Variants in RUNX2 observed in about 807,000 individuals in gnomAD.
RUNX2 encodes RUNX family transcription factor 2, also known as runt-related transcription factor 2.
A neutral mutation model predicts 51.7 loss-of-function variants in RUNX2; 10 were observed. That is an observed-to-expected ratio of 0.19 (90% CI 0.12 to 0.33). The LOEUF (loss-of-function observed/expected upper bound fraction) is 0.33. RUNX2 is among the 10% of genes least tolerant of loss of function. The pLI is 1.00. For missense variants in RUNX2, 562 were observed against 691.3 expected (o/e 0.81, Z 2.10); for synonymous variants, 276 against 273.6 (o/e 1.01, Z -0.09).
chr6:45,434,753 C>A (rs1798635287), intron 4 of RUNX2, among the ~76,000 whole-genome samples: 1 of 151,968 alleles, frequency 6.6e-6, no homozygotes, highest in Non-Finnish European at 1.5e-5. Flanking sequence ...ATGGATGACA[C>A]AATTAGTTAT....
At chr6:45,419,529 A>T (rs1024771969) in intron 2 of RUNX2, among the ~76,000 whole-genome samples, 1 of 152,162 alleles carries the variant, frequency 6.6e-6, no homozygotes, top group Non-Finnish European at 1.5e-5. Flanking sequence ...CCGAGTGCAC[A>T]TGAGTGGACG....
intron 7 of RUNX2, among the ~76,000 whole-genome samples, chr6:45,539,081 T>G (rs760976066): frequency 6.6e-6 from 1 of 152,190 alleles, no homozygotes; most frequent in Non-Finnish European, 1.5e-5. Flanking sequence ...CCTCCCTGTA[T>G]GCATACACAC....
chr6:45,545,528 A>G (rs1802372834), intron 8 of RUNX2, among the ~76,000 whole-genome samples: 1 of 152,214 alleles, frequency 6.6e-6, no homozygotes, highest in Non-Finnish European at 1.5e-5. Context: ...TATTCCCTTA[A>G]TAAACATCGT....
intron 6 of RUNX2, among the ~76,000 whole-genome samples, chr6:45,495,986 G>A (rs1018973056): frequency 6.6e-6 from 1 of 152,134 alleles, no homozygotes; most frequent in Non-Finnish European, 1.5e-5. Flanking sequence ...ATGTTCAGCT[G>A]AAGGCCCAGG....
At chr6:45,476,058 G>A (rs982680614) in intron 5 of RUNX2, among the ~76,000 whole-genome samples, 1 of 152,190 alleles carries the variant, frequency 6.6e-6, no homozygotes, top group Non-Finnish European at 1.5e-5. Flanking sequence ...TATTAGTTAA[G>A]TTTGCAGCTC....
intron 7 of RUNX2, among the ~76,000 whole-genome samples, chr6:45,533,236 T>C (rs1801919437): frequency 6.6e-6 from 1 of 152,188 alleles, no homozygotes; most frequent in Admixed American, 6.5e-5. Context: ...CTAGTATTTG[T>C]TTATCTCCTG....
At chr6:45,343,906 T>C (rs557885662) in intron 2 of RUNX2, among the ~76,000 whole-genome samples, 4 of 152,320 alleles carry the variant, frequency 2.6e-5, no homozygotes, top group African/African-American at 9.6e-5. Flanking sequence ...GACCTCCACC[T>C]GACAGGTCTA....
At chr6:45,330,674 A>G (rs1027557047) in intron 2 of RUNX2, among the ~76,000 whole-genome samples, 2 of 151,914 alleles carry the variant, frequency 1.3e-5, no homozygotes, top group African/African-American at 4.8e-5. Flanking sequence ...ACTATTCAAA[A>G]TTTCCAAAAC....
At chr6:45,397,167 G>A (rs920839558) in intron 2 of RUNX2, among the ~76,000 whole-genome samples, 1 of 151,140 alleles carries the variant, frequency 6.6e-6, no homozygotes, top group African/African-American at 2.4e-5. Flanking sequence ...GCAGTGGCGC[G>A]ATCGCAGCTC....
intron 7 of RUNX2, among the ~76,000 whole-genome samples, chr6:45,517,186 A>AT (rs201004641): frequency 0.011 from 1,664 of 148,794 alleles, 52 homozygotes; most frequent in East Asian, 0.11. Flanking sequence ...GTCACTATAG[A>AT]TTTTTTTTTT....
intron 2 of RUNX2, among the ~76,000 whole-genome samples, chr6:45,380,345 A>T (rs1322367436): frequency 6.6e-6 from 1 of 152,226 alleles, no homozygotes; most frequent in East Asian, 1.9e-4. Context: ...TGTCTCCATG[A>T]CCTGGACAAA....
chr6:45,372,462 A>T (rs1232305838), intron 2 of RUNX2, among the ~76,000 whole-genome samples: 1 of 152,226 alleles, frequency 6.6e-6, no homozygotes, highest in Non-Finnish European at 1.5e-5. Flanking sequence ...AATATGAATA[A>T]AGTGAAATAT....
At chr6:45,504,145 C>T (rs535706503) in intron 6 of RUNX2, among the ~76,000 whole-genome samples, 8 of 152,208 alleles carry the variant, frequency 5.3e-5, no homozygotes, top group South Asian at 2.1e-4. Flanking sequence ...AAGGGGGGTC[C>T]GCACCTTGCT....
chr6:45,483,962 C>T (rs1800192011), intron 5 of RUNX2, among the ~76,000 whole-genome samples: 2 of 152,188 alleles, frequency 1.3e-5, no homozygotes, highest in South Asian at 4.1e-4. Context: ...TTGCTGGGCT[C>T]AGGGGGCTCT....
At chr6:45,466,345 A>G (rs141601292) in intron 5 of RUNX2, among the ~76,000 whole-genome samples, 2 of 152,230 alleles carry the variant, frequency 1.3e-5, no homozygotes, top group African/African-American at 4.8e-5. Context: ...AATAATAACT[A>G]ATATTATAAA....
intron 2 of RUNX2, chr6:45,422,101 G>T (rs1385028469): frequency 6.7e-6 from 1 of 149,104 alleles, no homozygotes; most frequent in Non-Finnish European, 1.5e-5. Flanking sequence ...CGCGCGGCGC[G>T]GCGCGGCGGT....
intron 2 of RUNX2, among the ~76,000 whole-genome samples, chr6:45,400,331 T>A (rs1797686013): frequency 6.6e-6 from 1 of 152,200 alleles, no homozygotes; most frequent in South Asian, 2.1e-4. Context: ...GGATCCTTTA[T>A]GACAAGTTCG....
intron 4 of RUNX2, among the ~76,000 whole-genome samples, chr6:45,435,227 G>T (rs986339081): frequency 6.6e-6 from 1 of 152,094 alleles, no homozygotes; most frequent in African/African-American, 2.4e-5. Flanking sequence ...TTTGGCTTTT[G>T]TTCCTACATG....
At chr6:45,420,888 G>A (rs1366758506) in intron 2 of RUNX2, among the ~76,000 whole-genome samples, 1 of 152,194 alleles carries the variant, frequency 6.6e-6, no homozygotes, top group African/African-American at 2.4e-5. Context: ...CTTAGCCAGA[G>A]TCGTGTCTAT....
Sources: gnomAD v4.1 joint callset for allele counts (sites outside exome capture counted in the v4.1 genomes callset) on GRCh38, gnomAD v4.1.1 for gene constraint, MANE v1.5 for transcripts, NCBI Gene and HGNC (gene_info 2026-07-23, HGNC 2026-07-21) for gene names.